ELP4: variants seen among roughly 807,000 people sequenced by gnomAD.
ELP4 encodes the protein elongator complex protein 4.
Under a neutral mutation model 48.9 loss-of-function variants are expected in ELP4, and 51 were observed. The observed-to-expected ratio is 1.04, with a 90% CI of 0.83 to 1.32. ELP4 has a LOEUF of 1.32. ELP4 is among the 40% of genes most tolerant of loss of function. ELP4 has a pLI of 0.00. For synonymous variants in ELP4, 210 were observed against 189.2 expected (o/e 1.11, Z -0.90); for missense variants, 519 against 514.6 (o/e 1.01, Z -0.08).
At chr11:31,589,952 A>T (rs959028863) in intron 3 of ELP4, among the ~76,000 whole-genome samples, 2 of 152,166 alleles carry the variant, frequency 1.3e-5, no homozygotes, top group South Asian at 2.1e-4. Context: ...ATGAAAGCTT[A>T]TTATAGAAGC....
chr11:31,555,409 A>G (rs1181294883), intron 3 of ELP4, among the ~76,000 whole-genome samples: 1 of 152,044 alleles, frequency 6.6e-6, no homozygotes, highest in Non-Finnish European at 1.5e-5. Context: ...CCTGTTAGTA[A>G]TATTTCTTAA....
chr11:31,547,284 T>G (rs560070582), intron 3 of ELP4, among the ~76,000 whole-genome samples: 138 of 151,622 alleles, frequency 9.1e-4, no homozygotes, highest in African/African-American at 3.1e-3. Context: ...ATAGACGCAA[T>G]AAAAAATGAT....
intron 5 of ELP4, among the ~76,000 whole-genome samples, chr11:31,608,596 G>C (rs1000878397): frequency 2.6e-5 from 4 of 151,662 alleles, no homozygotes; most frequent in African/African-American, 4.8e-5. Context: ...GTGCTGGGTG[G>C]GGGGGTCAGG....
chr11:31,762,953 C>T (rs187325150), intron 9 of ELP4, among the ~76,000 whole-genome samples: 2 of 151,680 alleles, frequency 1.3e-5, no homozygotes, highest in Non-Finnish European at 2.9e-5. Context: ...TAGAAATGAG[C>T]AGTTTTCCCT....
At chr11:31,620,777 G>A (rs1293519686) in intron 5 of ELP4, among the ~76,000 whole-genome samples, 1 of 151,898 alleles carries the variant, frequency 6.6e-6, no homozygotes, top group Admixed American at 6.6e-5. Context: ...GTCAGAACCT[G>A]CATTGCTTAG....
At chr11:31,515,534 A>G (rs1397952099) in intron 1 of ELP4, among the ~76,000 whole-genome samples, 2 of 152,094 alleles carry the variant, frequency 1.3e-5, no homozygotes, top group African/African-American at 4.8e-5. Flanking sequence ...TCATGGTTAC[A>G]TGTTCCTATA....
intron 9 of ELP4, among the ~76,000 whole-genome samples, chr11:31,685,351 A>AAAC (rs905330417): frequency 6.6e-5 from 10 of 152,080 alleles, no homozygotes; most frequent in African/African-American, 1.7e-4. Context: ...CTCCGTCTCA[A>AAAC]AACAACAACA....
intron 2 of ELP4, among the ~76,000 whole-genome samples, chr11:31,522,859 C>CT (rs1161716080): frequency 2.8e-3 from 387 of 137,980 alleles, no homozygotes; most frequent in Middle Eastern, 3.8e-3. Context: ...AAGTTCTCCA[C>CT]TTTTTTTTTT....
intron 9 of ELP4, among the ~76,000 whole-genome samples, chr11:31,716,421 C>T (rs769458909): frequency 6.6e-6 from 1 of 152,130 alleles, no homozygotes; most frequent in Non-Finnish European, 1.5e-5. Flanking sequence ...ACTAATTTGT[C>T]TATGCCTCAG....
intron 9 of ELP4, among the ~76,000 whole-genome samples, chr11:31,685,436 T>G (rs1946140827): frequency 6.6e-6 from 1 of 152,092 alleles, no homozygotes; most frequent in South Asian, 2.1e-4. Context: ...AACCTGTGCA[T>G]TTTTTTACTC....
At chr11:31,627,668 A>G (rs1375828158) in intron 6 of ELP4, among the ~76,000 whole-genome samples, 2 of 152,034 alleles carry the variant, frequency 1.3e-5, no homozygotes, top group Non-Finnish European at 1.5e-5. Flanking sequence ...TTTTATAACA[A>G]CGATTTCTCT....
At position 31,789,577 on chromosome 11, in the gene ELP4, TAAA is replaced by T; in HGVS notation, c.*6065_*6067del. 5 of 493,588 alleles carry T rather than the reference TAAA, an allele frequency of 1.0e-5. No individual in the cohort carries two copies. Among genetic ancestry groups the T allele is most frequent in the Non-Finnish European group, 1.8e-5 (5 of 280,382 alleles). The allele number at this position is 493,588 out of a possible 1,614,324, so 30.6% of individuals were successfully genotyped here. On this transcript the variant is annotated 3_prime_UTR_variant, in exon 10 of 10. Transcript: ENST00000640961. ...AGCTTGTTGATCATGGTTTTCTTTT[TAAA>T]AAAAAAAAAAACAACTTCATGACCA...
chr11:31,551,547 T>C (rs573644336), intron 3 of ELP4, among the ~76,000 whole-genome samples: 2 of 152,172 alleles, frequency 1.3e-5, no homozygotes, highest in Non-Finnish European at 2.9e-5. Context: ...TTAAGACAAA[T>C]TAGTATAAGT....
At chr11:31,702,576 C>T (rs947646245) in intron 9 of ELP4, among the ~76,000 whole-genome samples, 1 of 152,032 alleles carries the variant, frequency 6.6e-6, no homozygotes, top group African/African-American at 2.4e-5. Context: ...TATTTTACCA[C>T]TGTGTATATA....
chr11:31,741,910 A>T (rs1016018494), intron 9 of ELP4, among the ~76,000 whole-genome samples: 1 of 152,218 alleles, frequency 6.6e-6, no homozygotes, highest in Non-Finnish European at 1.5e-5. Flanking sequence ...GACTCTGACG[A>T]GTTGAGAGAA....
intron 9 of ELP4, among the ~76,000 whole-genome samples, chr11:31,705,291 C>T (rs1424246823): frequency 1.3e-5 from 2 of 152,084 alleles, no homozygotes; most frequent in African/African-American, 4.8e-5. Flanking sequence ...TCTTCCTCCT[C>T]TTATAAAGCC....
rs1411481845 is a variant in ELP4 at position 31,520,058 on chromosome 11, G to C, written c.226G>C (p.Gly76Arg). The C allele has an allele frequency of 3.1e-6, 5 of 1,612,556 alleles. No homozygotes were observed. The highest frequency in any genetic ancestry group is 3.3e-5 in the Admixed American group (2 of 59,706). ...GLPALDQLLG[G>R]GLAVGTVLLI... ...TTCTGGTTTTGTTTCATTTCCAGGT[G>C]GAGGTTTAGCCGTTGGAACAGTTCT... is the stretch of plus-strand genomic sequence containing the variant. The change falls in exon 2 of 10, where the codon GGA becomes CGA. Residue 76 changes from glycine to arginine, a missense_variant and splice_region_variant. Physicochemically the swap from Gly to Arg is moderately radical, Grantham distance 125. Transcript: ENST00000640961.
At chr11:31,708,988 G>C (rs1946687682) in intron 9 of ELP4, among the ~76,000 whole-genome samples, 1 of 151,898 alleles carries the variant, frequency 6.6e-6, no homozygotes, top group Non-Finnish European at 1.5e-5. Context: ...TTATCCTTTT[G>C]GTCTTTAAAA....
intron 9 of ELP4, among the ~76,000 whole-genome samples, chr11:31,690,367 C>A (rs1011741838): frequency 2.6e-5 from 4 of 152,024 alleles, no homozygotes; most frequent in African/African-American, 9.7e-5. Flanking sequence ...AGGGAGCACG[C>A]ACAGTGCAAT....
Sources: allele counts gnomAD v4.1 joint callset (sites outside exome capture counted in the v4.1 genomes callset), GRCh38; gene constraint gnomAD v4.1.1; transcripts MANE v1.5; gene names NCBI Gene and HGNC (gene_info 2026-07-23, HGNC 2026-07-21).